MARK1: variants seen among roughly 807,000 people sequenced by gnomAD.
The protein encoded by MARK1 is microtubule affinity regulating kinase 1.
A neutral mutation model predicts 96.3 loss-of-function variants in MARK1; 40 were observed. The observed-to-expected ratio is 0.42, with a 90% CI of 0.32 to 0.54. The LOEUF (loss-of-function observed/expected upper bound fraction) is 0.54, where lower values mean the gene tolerates loss of function less well. Ranked by LOEUF, MARK1 falls within the 20% of genes least tolerant of loss-of-function variation. MARK1 has a pLI of 0.16. For synonymous variants in MARK1, 317 were observed against 341.2 expected (o/e 0.93, Z 0.78); for missense variants, 719 against 984.6 (o/e 0.73, Z 3.61).
chr1:220,556,560 A>G (rs1662278860), intron 1 of MARK1, among the ~76,000 whole-genome samples: 1 of 151,916 alleles, frequency 6.6e-6, no homozygotes. Flanking sequence ...GTTAACAAAT[A>G]CAAAAAGTAG....
intron 13 of MARK1, among the ~76,000 whole-genome samples, chr1:220,649,884 G>T (rs1293226370): frequency 6.6e-6 from 1 of 152,172 alleles, no homozygotes; most frequent in Admixed American, 6.5e-5. Context: ...AATCATTTCT[G>T]TATATTTTAT....
intron 1 of MARK1, among the ~76,000 whole-genome samples, chr1:220,530,126 A>G (rs1248527399): frequency 2.6e-5 from 4 of 152,234 alleles, no homozygotes; most frequent in East Asian, 1.9e-4. Context: ...GAAATTTAAT[A>G]TAACTATACA....
At chr1:220,652,953 A>G in intron 15 of MARK1, 148 bp from the exon 16 acceptor site, 1 of 810,884 alleles carries the variant, frequency 1.2e-6, no homozygotes, top group Non-Finnish European at 1.9e-6. Context: ...CTGAAATTTT[A>G]CTCCAAACCC....
intron 11 of MARK1, among the ~76,000 whole-genome samples, chr1:220,633,031 C>T (rs1019872996): frequency 1.3e-5 from 2 of 152,126 alleles, no homozygotes; most frequent in African/African-American, 4.8e-5. Flanking sequence ...GAGGGGGAGC[C>T]AGCATGTCAC....
chr1:220,583,901 C>T (rs549768947), intron 3 of MARK1, among the ~76,000 whole-genome samples: 3 of 147,742 alleles, frequency 2.0e-5, no homozygotes, highest in South Asian at 4.3e-4. Flanking sequence ...CTCCTGACCT[C>T]GTGATATACC....
chr1:220,540,979 G>A (rs945449866), intron 1 of MARK1, among the ~76,000 whole-genome samples: 9 of 151,708 alleles, frequency 5.9e-5, no homozygotes, highest in Admixed American at 2.6e-4. Flanking sequence ...TGTCATCCAG[G>A]CTGGAGAGCT....
intron 1 of MARK1, among the ~76,000 whole-genome samples, chr1:220,547,222 T>G (rs1054487895): frequency 3.3e-5 from 5 of 152,198 alleles, no homozygotes; most frequent in African/African-American, 1.2e-4. Context: ...CCACTCTAGA[T>G]TCTTTCTGTA....
intron 7 of MARK1, among the ~76,000 whole-genome samples, chr1:220,617,683 A>G (rs1666831165): frequency 6.6e-6 from 1 of 152,228 alleles, no homozygotes; most frequent in Non-Finnish European, 1.5e-5. Flanking sequence ...ATATACATCA[A>G]GAAGAGAATC....
At chr1:220,560,068 G>A (rs1358063429) in intron 1 of MARK1, among the ~76,000 whole-genome samples, 2 of 152,110 alleles carry the variant, frequency 1.3e-5, no homozygotes, top group African/African-American at 4.8e-5. Flanking sequence ...CCTCTTACAT[G>A]GCGGCAGGCA....
chr1:220,594,622 AG>A (rs2102889623), intron 3 of MARK1, among the ~76,000 whole-genome samples: 1 of 152,352 alleles, frequency 6.6e-6, no homozygotes, highest in East Asian at 1.9e-4. Context: ...GAAGCAACCA[AG>A]ACGTCCTTCA....
intron 3 of MARK1, among the ~76,000 whole-genome samples, chr1:220,595,264 G>A (rs899379164): frequency 6.6e-6 from 1 of 152,190 alleles, no homozygotes; most frequent in Non-Finnish European, 1.5e-5. Flanking sequence ...GACTTTTCCT[G>A]GTTCACATAC....
intron 13 of MARK1, among the ~76,000 whole-genome samples, chr1:220,647,248 A>G (rs1668631988): frequency 6.6e-6 from 1 of 152,218 alleles, no homozygotes; most frequent in Admixed American, 6.5e-5. Flanking sequence ...AAGGACATAA[A>G]CAGACATTTC....
At chr1:220,567,846 A>C (rs574620282) in intron 1 of MARK1, among the ~76,000 whole-genome samples, 1 of 152,306 alleles carries the variant, frequency 6.6e-6, no homozygotes, top group African/African-American at 2.4e-5. Context: ...TTTGATACTA[A>C]GTCTGTCTAG....
At chr1:220,605,405 T>G (rs1378298500) in intron 6 of MARK1, among the ~76,000 whole-genome samples, 1 of 152,182 alleles carries the variant, frequency 6.6e-6, no homozygotes, top group Non-Finnish European at 1.5e-5. Context: ...TACTGTAATA[T>G]TATTTTCTAT....
intron 1 of MARK1, among the ~76,000 whole-genome samples, chr1:220,554,656 T>G (rs753424928): frequency 6.6e-6 from 1 of 152,182 alleles, no homozygotes; most frequent in Non-Finnish European, 1.5e-5. Context: ...AAAAAAGCAT[T>G]TGCAGTTCAT....
intron 1 of MARK1, among the ~76,000 whole-genome samples, chr1:220,531,777 T>C (rs1160122385): frequency 6.6e-6 from 1 of 152,158 alleles, no homozygotes; most frequent in Non-Finnish European, 1.5e-5. Context: ...GGACAACCAA[T>C]GATTAACTTT....
intron 13 of MARK1, among the ~76,000 whole-genome samples, chr1:220,648,064 TA>T (rs57318455): frequency 0.022 from 3,084 of 137,498 alleles, 43 homozygotes; most frequent in African/African-American, 0.049. Flanking sequence ...ATTTAAAAAT[TA>T]AAAAAAAAAA....
At chr1:220,619,516 C>T (rs948716660) in intron 9 of MARK1, among the ~76,000 whole-genome samples, 2 of 152,060 alleles carry the variant, frequency 1.3e-5, no homozygotes, top group Non-Finnish European at 2.9e-5. Flanking sequence ...AACCTCTCAA[C>T]TTTAGTAAAG....
chr1:220,628,053 AT>A (rs1667450352), intron 9 of MARK1: 1 of 152,174 alleles, frequency 6.6e-6, no homozygotes, highest in African/African-American at 2.4e-5. Flanking sequence ...ACAAAAAAAA[AT>A]AACTGTTTAG....
Sources: allele counts gnomAD v4.1 joint callset (sites outside exome capture counted in the v4.1 genomes callset), GRCh38; gene constraint gnomAD v4.1.1; transcripts MANE v1.5; gene names NCBI Gene and HGNC (gene_info 2026-07-23, HGNC 2026-07-21).